The following ATG16L1 variants were observed in gnomAD, a reference collection of about 807,000 sequenced individuals.
ATG16L1 encodes autophagy-related protein 16-1.
ATG16L1 carries 37 observed loss-of-function variants against 88.5 expected under a neutral mutation model. The ratio of observed to expected loss-of-function variants is 0.42; its 90% confidence interval spans 0.32 to 0.55. The LOEUF (loss-of-function observed/expected upper bound fraction) is 0.55, where lower values mean the gene tolerates loss of function less well. ATG16L1 is among the 20% of genes least tolerant of loss of function. The probability of loss-of-function intolerance (pLI) is 0.13; values close to 1 mark genes in which losing one functional copy is unlikely to be tolerated. For missense variants in ATG16L1, 554 were observed against 752.8 expected (o/e 0.74, Z 3.09); for synonymous variants, 301 against 281.0 (o/e 1.07, Z -0.71).
At chr2:233,287,145 T>A (rs1251202861) in intron 12 of ATG16L1, among the ~76,000 whole-genome samples, 1 of 152,202 alleles carries the variant, frequency 6.6e-6, no homozygotes, top group African/African-American at 2.4e-5. Context: ...TTCATCTTGC[T>A]GAGTCCGTAC....
At position 233,253,346 on chromosome 2, in the gene ATG16L1, T is replaced by G. The variant is rs571963559; in HGVS notation, c.115+1404T>G. On this transcript the variant is annotated intron_variant, in intron 1 of 17. Transcript: ENST00000392017. ...GGTGAGACTGGGTTTTTTTGTTTTT[T>G]TTTTTTTTTTTTTTTGGAGACAGAG... Among the ~76,000 whole-genome samples the G allele has an allele frequency of 1.0e-3, 141 of 134,546 alleles. 1 individual carries two copies. The highest frequency in any genetic ancestry group is 3.6e-3 in the Middle Eastern group (1 of 278). The allele number at this position is 134,546 out of a possible 152,430, so 88.3% of individuals were successfully genotyped here. A position where few individuals can be genotyped will look rare whatever the true frequency, so the allele number is the denominator to read the frequency against.
intron 5 of ATG16L1, among the ~76,000 whole-genome samples, chr2:233,269,401 C>A (rs537416752): frequency 7.9e-5 from 12 of 152,258 alleles, no homozygotes; most frequent in African/African-American, 2.9e-4. Flanking sequence ...ATCCCAAACT[C>A]CACAATGCTC....
intron 12 of ATG16L1, among the ~76,000 whole-genome samples, chr2:233,285,845 A>C (rs1395137541): frequency 6.6e-6 from 1 of 152,150 alleles, no homozygotes; most frequent in African/African-American, 2.4e-5. Context: ...TCTTACGACA[A>C]GGGAATGGTG....
intron 6 of ATG16L1, among the ~76,000 whole-genome samples, chr2:233,272,220 C>T (rs1463294145): frequency 6.6e-6 from 1 of 152,060 alleles, no homozygotes; most frequent in African/African-American, 2.4e-5. Context: ...AAAGACGTGG[C>T]CCAGAAAAAT....
At chr2:233,273,945 T>C (rs1418317875) in intron 8 of ATG16L1, 168 bp downstream of exon 8, 1 of 1,545,618 alleles carries the variant, frequency 6.5e-7, no homozygotes, top group Admixed American at 2.0e-5. Context: ...TCAACTTCCT[T>C]TCCTCTTAAT....
At position 233,264,896 on chromosome 2, in the gene ATG16L1, G is replaced by A. The variant is rs769343970; in HGVS notation, c.394G>A (p.Ala132Thr). 5.8e-5 allele frequency: 93 copies of A among 1,613,710 alleles called. No individual in the cohort carries two copies. The highest frequency in any genetic ancestry group is 7.6e-5 in the Non-Finnish European group (90 of 1,179,874). The change falls in exon 5 of 18, where the codon GCA (alanine) becomes ACA (threonine). Residue 132 changes from alanine (A) to threonine (T), a missense_variant. Physicochemically the swap from Ala to Thr is moderately conservative, Grantham distance 58. Around this residue, in one of 5 missense-constraint regions of ATG16L1, gnomAD observed 50 missense variants for 49.4 expected, o/e 1.01. Coordinates refer to ENST00000392017, the MANE Select transcript of ATG16L1 (RefSeq NM_030803.7). ...REMQMNEAKI[A>T]ECLQTISDLE... ...CCTCTGATGTCATGCTTCCAGAATT[G>A]CAGAATGTTTGCAGACTATCTCTGA...
intron 5 of ATG16L1, among the ~76,000 whole-genome samples, 166 bp downstream of exon 5, chr2:233,265,309 A>G (rs1266286275): frequency 2.0e-5 from 3 of 152,202 alleles, no homozygotes; most frequent in African/African-American, 7.2e-5. Context: ...ATTAAACCAG[A>G]GTTAGAAAAA....
intron 3 of ATG16L1, among the ~76,000 whole-genome samples, 192 bp from the exon 4 acceptor site, chr2:233,263,800 C>T (rs952515069): frequency 1.3e-5 from 2 of 152,216 alleles, no homozygotes; most frequent in African/African-American, 4.8e-5. Context: ...GAACACTTCT[C>T]ATTCCAGCCA....
intron 9 of ATG16L1, 33 bp from the exon 10 acceptor site, chr2:233,277,535 G>A: frequency 6.3e-7 from 1 of 1,595,076 alleles, no homozygotes; most frequent in Non-Finnish European, 8.6e-7. Flanking sequence ...GGATGAGAAT[G>A]ACTGGGTTTG....
At chr2:233,264,811 T>G in intron 4 of ATG16L1, 81 bp from the exon 5 acceptor site, 2 of 1,559,574 alleles carry the variant, frequency 1.3e-6, no homozygotes, top group Non-Finnish European at 1.7e-6. Context: ...ACACAAAGTG[T>G]TAAGCACTCA....
At chr2:233,283,557 TTC>T (rs1444149926) in intron 12 of ATG16L1, among the ~76,000 whole-genome samples, 2 of 152,032 alleles carry the variant, frequency 1.3e-5, no homozygotes, top group African/African-American at 4.8e-5. Flanking sequence ...TGAATTTTTT[TTC>T]TTTTTTTTTT....
intron 12 of ATG16L1, among the ~76,000 whole-genome samples, chr2:233,287,530 A>C (rs1246070574): frequency 6.6e-6 from 1 of 152,208 alleles, no homozygotes; most frequent in Non-Finnish European, 1.5e-5. Context: ...TTAAGAAAGA[A>C]ACAGATAGTG....
At chr2:233,278,857 A>G (rs759770646) in intron 10 of ATG16L1, among the ~76,000 whole-genome samples, 1 of 152,208 alleles carries the variant, frequency 6.6e-6, no homozygotes, top group Non-Finnish European at 1.5e-5. Context: ...GCCCAGAAAC[A>G]TTTAGCTTAT....
chr2:233,264,329 C>T (rs750456906), intron 4 of ATG16L1, among the ~76,000 whole-genome samples: 4 of 152,194 alleles, frequency 2.6e-5, no homozygotes, highest in Non-Finnish European at 4.4e-5. Context: ...TAGCAGCTCT[C>T]CTGTGGCCGC....
Position 233,281,103 on chromosome 2 carries a change from A to G in ATG16L1, c.1061-2A>G. 1 of 1,583,204 alleles carries G rather than the reference A, an allele frequency of 6.3e-7. No homozygotes were observed. Among genetic ancestry groups the G allele is most frequent in the Non-Finnish European group, 8.6e-7 (1 of 1,169,206 alleles). Reference sequence around the variant, plus strand: ...TCATCCTAATTTTTTCTTTTTATACAGAAAAATGTGAGTTCAAGGGTTCCC... The same window carrying G: ...TCATCCTAATTTTTTCTTTTTATACGGAAAAATGTGAGTTCAAGGGTTCCC... On this transcript the variant is annotated splice_acceptor_variant, in intron 10 of 17. Transcript: ENST00000392017. LOFTEE classifies it high-confidence loss of function.
At chr2:233,265,187 G>A (rs1213702455) in intron 5 of ATG16L1, 44 bp downstream of exon 5, 2 of 1,601,468 alleles carry the variant, frequency 1.2e-6, no homozygotes, top group Non-Finnish European at 8.5e-7. Flanking sequence ...CCTTAGTAGA[G>A]TAGAACCTAG....
At chr2:233,293,591 A>G (rs1259075461) in intron 17 of ATG16L1, among the ~76,000 whole-genome samples, 1 of 147,218 alleles carries the variant, frequency 6.8e-6, no homozygotes, top group East Asian at 2.0e-4. Context: ...CGCTGGAGAA[A>G]GGGTTATAGA....
At chr2:233,272,850 T>C in intron 6 of ATG16L1, 116 bp from the exon 7 acceptor site, 9 of 841,984 alleles carry the variant, frequency 1.1e-5, no homozygotes, top group African/African-American at 1.7e-5. Flanking sequence ...TTTAACGCAT[T>C]GCTGTCATAG....
At chr2:233,291,384 G>T (rs565219476) in intron 14 of ATG16L1, among the ~76,000 whole-genome samples, 4 of 152,352 alleles carry the variant, frequency 2.6e-5, no homozygotes, top group Admixed American at 2.6e-4. Context: ...AATTTGACAG[G>T]TGAAGACCCT....
Sources: gnomAD v4.1 joint callset for allele counts (sites outside exome capture counted in the v4.1 genomes callset) on GRCh38, gnomAD v4.1.1 for gene constraint, gnomAD v4.1.1 regional missense constraint, MANE v1.5 for transcripts, NCBI Gene and HGNC (gene_info 2026-07-23, HGNC 2026-07-21) for gene names.